DAAM1: variants seen among roughly 807,000 people sequenced by gnomAD.
DAAM1 encodes disheveled-associated activator of morphogenesis 1.
In DAAM1, 52 loss-of-function variants were observed where a neutral mutation model predicts 130.0. The ratio of observed to expected loss-of-function variants is 0.40; its 90% CI spans 0.32 to 0.50. The LOEUF is 0.50. Ranked by LOEUF, DAAM1 falls within the 20% of genes least tolerant of loss-of-function variation. The pLI is 0.61. For synonymous variants in DAAM1, 452 were observed against 444.5 expected (o/e 1.02, Z -0.21); for missense variants, 1,134 against 1,303.8 (o/e 0.87, Z 2.01).
At chr14:59,275,979 T>A (rs532731989) in intron 2 of DAAM1, among the ~76,000 whole-genome samples, 10 of 152,344 alleles carry the variant, frequency 6.6e-5, no homozygotes, top group African/African-American at 2.4e-4. Context: ...TGTTTACCAA[T>A]CCCTTTTAGG....
chr14:59,256,581 C>T (rs1462629625), intron 1 of DAAM1, among the ~76,000 whole-genome samples: 1 of 152,234 alleles, frequency 6.6e-6, no homozygotes, highest in East Asian at 1.9e-4. Flanking sequence ...ACTTCTTCCT[C>T]TGCAACAATG....
At chr14:59,249,405 A>C (rs1471085049) in intron 1 of DAAM1, among the ~76,000 whole-genome samples, 8 of 152,196 alleles carry the variant, frequency 5.3e-5, no homozygotes, top group Admixed American at 3.9e-4. Context: ...ATTTTATTTC[A>C]CTGGGACAGA....
Position 59,323,235 on chromosome 14 carries a change from C to T in DAAM1, c.774+10C>T, listed in dbSNP as rs1885087668. On this transcript the variant is annotated intron_variant, in intron 6 of 24. Coordinates refer to ENST00000360909, the MANE Select transcript of DAAM1 (RefSeq NM_001270520.2). ...AAGGACCCGCTTTCAGGTGGGTGTT[C>T]GCTCAGCCTTCTTCACTCACCCCTT... 6 of 1,584,244 alleles carry T rather than the reference C, an allele frequency of 3.8e-6. No homozygotes were observed. Among genetic ancestry groups the T allele is most frequent in the Middle Eastern group, 1.8e-4 (1 of 5,618 alleles).
At chr14:59,295,698 ACCAT>A (rs1883932319) in intron 3 of DAAM1, among the ~76,000 whole-genome samples, 1 of 152,156 alleles carries the variant, frequency 6.6e-6, no homozygotes, top group Non-Finnish European at 1.5e-5. Context: ...GTCAAAAGAA[ACCAT>A]CCATTTTCTA....
chr14:59,321,591 G>A (rs2139616655), intron 5 of DAAM1, among the ~76,000 whole-genome samples: 1 of 152,302 alleles, frequency 6.6e-6, no homozygotes, highest in East Asian at 1.9e-4. Flanking sequence ...GAGATGCTGA[G>A]GTTCTTATAA....
At chr14:59,356,233 G>A (rs921190444) in intron 20 of DAAM1, among the ~76,000 whole-genome samples, 7 of 152,090 alleles carry the variant, frequency 4.6e-5, no homozygotes, top group Non-Finnish European at 8.8e-5. Context: ...ACTAATAGGG[G>A]CTTTTACCCT....
chr14:59,231,505 T>C (rs1031770189), intron 1 of DAAM1, among the ~76,000 whole-genome samples: 10 of 152,276 alleles, frequency 6.6e-5, no homozygotes, highest in African/African-American at 2.4e-4. Flanking sequence ...TAAAACCACA[T>C]TTAAAAACAC....
chr14:59,196,472 G>A (rs998834317), intron 1 of DAAM1, among the ~76,000 whole-genome samples: 5 of 152,202 alleles, frequency 3.3e-5, no homozygotes, highest in South Asian at 2.1e-4. Flanking sequence ...GGCCGGGTGC[G>A]GTGGCTCACG....
chr14:59,193,988 T>C (rs1887810553), intron 1 of DAAM1, among the ~76,000 whole-genome samples: 1 of 152,236 alleles, frequency 6.6e-6, no homozygotes, highest in Non-Finnish European at 1.5e-5. Flanking sequence ...CACATAATTA[T>C]ACAAGATAGA....
At chr14:59,194,681 A>G (rs12887755) in intron 1 of DAAM1, among the ~76,000 whole-genome samples, 23,981 of 152,268 alleles carry the variant, frequency 0.16, 2,312 homozygotes, top group South Asian at 0.23. Context: ...GCAGTAGTCA[A>G]ACATGTAATC....
At chr14:59,333,493 TTCTC>T (rs1302312399) in intron 15 of DAAM1, among the ~76,000 whole-genome samples, 2 of 152,212 alleles carry the variant, frequency 1.3e-5, no homozygotes, top group Non-Finnish European at 2.9e-5. Context: ...TGCTGCCTCT[TTCTC>T]TGTCTGCTGT....
Position 59,340,075 on chromosome 14 carries a change from A to C in DAAM1, c.1970A>C (p.Lys657Thr). The C allele has an allele frequency of 1.2e-6, 2 of 1,613,096 alleles. No homozygotes were observed. The highest frequency in any genetic ancestry group is 1.7e-6 in the Non-Finnish European group (2 of 1,179,402). ...GGATTTCTTTCATGCTCTTTACAGAAAGAAGCAGATGCCATTGATGACACT... is the reference window on the plus strand; with the variant it reads ...GGATTTCTTTCATGCTCTTTACAGACAGAAGCAGATGCCATTGATGACACT... ...RTFSAYQRQQ[K>T]EADAIDDTLS... Residue 657 changes from lysine (K) to threonine (T), a missense_variant and splice_region_variant, in exon 16 of 25, where the codon AAA becomes ACA. By Grantham distance (78) the Lys-to-Thr change is moderately conservative. Coordinates refer to ENST00000360909, the MANE Select transcript of DAAM1 (RefSeq NM_001270520.2).
At position 59,331,288 on chromosome 14, in the gene DAAM1, C is replaced by T. The variant is rs1381658056; in HGVS notation, c.1640C>T (p.Ser547Phe). The T allele has an allele frequency of 5.6e-6, 9 of 1,612,722 alleles. No individual in the cohort carries two copies. The highest frequency in any genetic ancestry group is 7.6e-6 in the Non-Finnish European group (9 of 1,179,972). The change falls in exon 14 of 25, where the codon TCT becomes TTT. Residue 547 changes from serine (S) to phenylalanine (F), a missense_variant. By Grantham distance (155) the Ser-to-Phe change is radical (BLOSUM62 -2). Coordinates refer to ENST00000360909, the MANE Select transcript of DAAM1 (RefSeq NM_001270520.2). ...GGPFPSSVPG[S>F]LLPPPPPPPL... ...CCCTTTCCTTCCTCTGTGCCTGGAT[C>T]TCTCCTTCCTCCCCCACCACCCCCA...
chr14:59,337,257 A>C (rs1885663502), intron 15 of DAAM1, among the ~76,000 whole-genome samples: 2 of 152,234 alleles, frequency 1.3e-5, no homozygotes, highest in Admixed American at 1.3e-4. Context: ...GGAGCTTCAG[A>C]GTAGACAACT....
At position 59,343,447 on chromosome 14, in the gene DAAM1, CACTT is replaced by C. The variant is rs1398676646; in HGVS notation, c.2075+3271_2075+3274del. 4.6e-5 allele frequency among the ~76,000 whole-genome samples: 7 copies of C among 152,158 alleles called. No homozygotes were observed. The South Asian group carries it at 6.2e-4, about 14-fold the overall frequency. The stretch of plus-strand genomic sequence containing the variant: ...TATGTCAGCATTTCCTACCTTCTCA[CACTT>C]ACTATCTTTCTTTCCTGATTATTTC... On this transcript the variant is annotated intron_variant, in intron 16 of 24. Transcript: ENST00000360909.
chr14:59,195,874 T>G (rs955325692), intron 1 of DAAM1, among the ~76,000 whole-genome samples: 1 of 148,914 alleles, frequency 6.7e-6, no homozygotes. Flanking sequence ...TAGTCAGATT[T>G]TTTCTGTATC....
chr14:59,308,803 A>T (rs1884465500), intron 3 of DAAM1, among the ~76,000 whole-genome samples: 1 of 152,238 alleles, frequency 6.6e-6, no homozygotes, highest in Non-Finnish European at 1.5e-5. Flanking sequence ...GCAAGTCATC[A>T]TTCAGTCTTT....
intron 1 of DAAM1, among the ~76,000 whole-genome samples, chr14:59,198,426 AAACTCCTGACCTTGTGATCCGCCTG>A (rs1887982318): frequency 6.6e-6 from 1 of 151,868 alleles, no homozygotes; most frequent in East Asian, 1.9e-4. Flanking sequence ...GGCTGGTCTC[AAACTCCTGACCTTGTGATCCGCCTG>A]AACTCCTGAC....
chr14:59,284,071 G>A (rs1368415375), intron 2 of DAAM1, among the ~76,000 whole-genome samples: 1 of 152,098 alleles, frequency 6.6e-6, no homozygotes, highest in East Asian at 1.9e-4. Flanking sequence ...TGGATGATAA[G>A]TGATTTAAGG....
Sources: allele counts gnomAD v4.1 joint callset (sites outside exome capture counted in the v4.1 genomes callset), GRCh38; gene constraint gnomAD v4.1.1; transcripts MANE v1.5; gene names NCBI Gene and HGNC (gene_info 2026-07-23, HGNC 2026-07-21).